Variants in ZNF536 observed in about 807,000 individuals in gnomAD.
ZNF536 encodes the protein zinc finger protein 536.
ZNF536 carries 13 observed loss-of-function variants against 84.5 expected under a neutral mutation model. The ratio of observed to expected loss-of-function variants is 0.15; its 90% CI spans 0.10 to 0.24. ZNF536 has a LOEUF of 0.24. ZNF536 is among the 10% of genes least tolerant of loss of function. ZNF536 has a pLI of 1.00. For synonymous variants in ZNF536, 811 were observed against 742.5 expected, an observed-to-expected ratio of 1.09 and a Z score of -1.50; for missense variants, 1,536 against 1,747.5, an observed-to-expected ratio of 0.88 and a Z score of 2.16.
intron 1 of ZNF536, among the ~76,000 whole-genome samples, chr19:30,629,965 G>A (rs2048831517): frequency 6.6e-6 from 1 of 152,196 alleles, no homozygotes; most frequent in Non-Finnish European, 1.5e-5. Flanking sequence ...CCCATTTGTG[G>A]GCAGCTCCAC....
chr19:30,690,187 T>G (rs1419407723), intron 1 of ZNF536, among the ~76,000 whole-genome samples: 1 of 152,170 alleles, frequency 6.6e-6, no homozygotes, highest in African/African-American at 2.4e-5. Flanking sequence ...CTTTGTTAGG[T>G]ATCAATGGGG....
At chr19:30,413,866 C>A (rs1254458429) in intron 1 of ZNF536, among the ~76,000 whole-genome samples, 1 of 151,828 alleles carries the variant, frequency 6.6e-6, no homozygotes. Flanking sequence ...CCGAGGTGGG[C>A]AAATCATGAG....
downstream of ZNF536, chr19:30,558,166 CCCTG>C (rs2046031477): frequency 6.6e-6 from 1 of 152,236 alleles, no homozygotes; most frequent in Non-Finnish European, 1.5e-5. Flanking sequence ...ATGCCATTGA[CCCTG>C]CTTCTTGGGC....
rs145887914 is a variant in ZNF536, at chr19:30,571,678, G to A, written c.169+22164G>A. On this transcript the variant is annotated intron_variant, in intron 1 of 1. Transcript: ENST00000592773. ...CCTGCTTCTCTGTGACCTTTGGCCA[G>A]TGTGATCCCAACATCCGGCTTCCTC... Among the ~76,000 whole-genome samples the A allele has an allele frequency of 7.9e-4, 120 of 152,234 alleles. 1 individual carries two copies. Among genetic ancestry groups the A allele is most frequent in the African/African-American group, 2.5e-3 (104 of 41,554 alleles).
rs569322950 is a variant in ZNF536, at chr19:30,423,722, G to A, written c.-2-19839G>A. Among the ~76,000 whole-genome samples, 8 of 152,320 alleles carry A rather than the reference G, an allele frequency of 5.3e-5. No individual in the cohort carries two copies. The South Asian group carries it at 1.2e-3, about 24-fold the overall frequency. ...CGCTGAGGGCCTGCCCAGACTGTGCGAAGAGCATGCAAGGGCAGGGCTCCC... is the reference window on the plus strand; with the variant it reads ...CGCTGAGGGCCTGCCCAGACTGTGCAAAGAGCATGCAAGGGCAGGGCTCCC... On this transcript the variant is annotated intron_variant, in intron 1 of 4. Transcript: ENST00000355537.
rs542508997 is a variant in ZNF536, at chr19:30,393,164, A to G, written c.-3+20608A>G. On this transcript the variant is annotated intron_variant, in intron 1 of 4. Transcript: ENST00000355537. Reference sequence around the variant, plus strand: ...CCATCCACTCATTCATTCACTCAACAACCACTTAGGCAACTTCATTTCTGT... The same window carrying G: ...CCATCCACTCATTCATTCACTCAACGACCACTTAGGCAACTTCATTTCTGT... Among the ~76,000 whole-genome samples the G allele has an allele frequency of 1.7e-3, 263 of 152,294 alleles. 1 individual carries two copies. The highest frequency in any genetic ancestry group is 6.1e-3 in the African/African-American group (252 of 41,560).
intron 2 of ZNF536, among the ~76,000 whole-genome samples, chr19:30,481,727 G>A (rs1218908180): frequency 6.6e-5 from 10 of 151,890 alleles, no homozygotes; most frequent in Admixed American, 6.6e-4. Context: ...TGGTAACATG[G>A]GTAAGTTGTT....
intron 1 of ZNF536, among the ~76,000 whole-genome samples, chr19:30,662,556 G>GT (rs1568648324): frequency 1.3e-5 from 2 of 151,618 alleles, no homozygotes; most frequent in South Asian, 4.2e-4. Flanking sequence ...ATAGTTTTTT[G>GT]TTTTTTGATT....
chr19:30,583,851 C>T (rs1382597593), intron 1 of ZNF536, among the ~76,000 whole-genome samples: 5 of 152,100 alleles, frequency 3.3e-5, no homozygotes, highest in Non-Finnish European at 7.4e-5. Flanking sequence ...TTGACGAGCT[C>T]GGCTATTGAT....
chr19:30,674,063 A>T (rs1217226549), intron 1 of ZNF536, among the ~76,000 whole-genome samples: 1 of 152,230 alleles, frequency 6.6e-6, no homozygotes, highest in Non-Finnish European at 1.5e-5. Context: ...ACAGAAATTA[A>T]CTTTTGGTGG....
chr19:30,712,066 T>C (rs2052470024), exon 2 of ZNF536: 1 of 150,840 alleles, frequency 6.6e-6, no homozygotes, highest in Non-Finnish European at 1.5e-5. Flanking sequence ...AAATATGATC[T>C]AAACATCGTG....
chr19:30,619,479 G>A (rs2048408108), intron 1 of ZNF536, among the ~76,000 whole-genome samples: 1 of 152,204 alleles, frequency 6.6e-6, no homozygotes, highest in Non-Finnish European at 1.5e-5. Flanking sequence ...TTCTTCATTA[G>A]AACCACAGTG....
chr19:30,259,215 G>A (rs999275124), intron 1 of ZNF536, among the ~76,000 whole-genome samples: 1 of 152,046 alleles, frequency 6.6e-6, no homozygotes, highest in African/African-American at 2.4e-5. Context: ...CTTTTTCTGC[G>A]TCATTTATAT....
intron 1 of ZNF536, among the ~76,000 whole-genome samples, chr19:30,273,951 C>T (rs997313429): frequency 1.3e-5 from 2 of 152,124 alleles, no homozygotes; most frequent in African/African-American, 2.4e-5. Flanking sequence ...ATATCAACAG[C>T]CATTATATCA....
chr19:30,234,397 C>CTTTTT lies in ZNF536; in HGVS notation c.-190+5743_-190+5747dup, dbSNP rs5827694. Among the ~76,000 whole-genome samples, 53 of 82,408 alleles carry CTTTTT rather than the reference C, an allele frequency of 6.4e-4. 2 individuals carry two copies. Among genetic ancestry groups the CTTTTT allele is most frequent in the African/African-American group, 8.2e-4 (16 of 19,570 alleles). The allele number at this position is 82,408 out of a possible 152,430, so 54.1% of individuals were successfully genotyped here. On this transcript the variant is annotated intron_variant, in intron 1 of 5. Coordinates refer to the ZNF536 transcript ENST00000585628. Reference sequence around the variant, plus strand: ...CTATTTGGGACCACTAGGCTCCTTCCTTTTTTTTTTTTTTTTTTTTTTTGA... The same window carrying CTTTTT: ...CTATTTGGGACCACTAGGCTCCTTCCTTTTTTTTTTTTTTTTTTTTTTTTTTTTGA...
chr19:30,358,275 C>A (rs1450271434), intron 3 of ZNF536, among the ~76,000 whole-genome samples: 1 of 152,206 alleles, frequency 6.6e-6, no homozygotes, highest in East Asian at 1.9e-4. Context: ...GATCATACAG[C>A]AAATCATTAG....
chr19:30,531,609 C>T (rs1046336475), intron 2 of ZNF536, among the ~76,000 whole-genome samples: 10 of 152,038 alleles, frequency 6.6e-5, no homozygotes, highest in Admixed American at 4.6e-4. Flanking sequence ...CCTCCCCTGC[C>T]CTTGGAATCC....
At chr19:30,326,804 T>TG (rs1568333963) in intron 2 of ZNF536, among the ~76,000 whole-genome samples, 5 of 128,368 alleles carry the variant, frequency 3.9e-5, no homozygotes, top group African/African-American at 1.6e-4. Flanking sequence ...TTTTTTTTTT[T>TG]TTTTTTTTTT....
intron 1 of ZNF536, among the ~76,000 whole-genome samples, chr19:30,404,660 A>G (rs1199304081): frequency 6.6e-6 from 1 of 152,054 alleles, no homozygotes; most frequent in African/African-American, 2.4e-5. Flanking sequence ...TCCAACCATG[A>G]TTTTCCTCTT....
Sources: allele counts gnomAD v4.1 joint callset (sites outside exome capture counted in the v4.1 genomes callset), GRCh38; gene constraint gnomAD v4.1.1; transcripts MANE v1.5; gene names NCBI Gene and HGNC (gene_info 2026-07-23, HGNC 2026-07-21).